The following PHKA2 variants were observed in gnomAD, a reference collection of about 807,000 sequenced individuals.
The protein encoded by PHKA2 is phosphorylase b kinase regulatory subunit alpha, liver isoform.
A neutral mutation model predicts 102.0 loss-of-function variants in PHKA2; 31 were observed. The observed-to-expected ratio is 0.30, with a 90% CI of 0.23 to 0.41. The LOEUF (loss-of-function observed/expected upper bound fraction) is 0.41, where lower values mean the gene tolerates loss of function less well. Ranked by LOEUF, PHKA2 falls within the 10% of genes least tolerant of loss-of-function variation. The pLI is 1.00. For missense variants in PHKA2, 858 were observed against 1,023.1 expected (o/e 0.84, Z 2.20); for synonymous variants, 455 against 416.2 (o/e 1.09, Z -1.13).
chrX:18,970,324 T>C (rs1299335101), intron 1 of PHKA2, among the ~76,000 whole-genome samples: 4 of 112,707 alleles, frequency 3.5e-5, no homozygotes, highest in African/African-American at 1.3e-4. Context: ...AACATATGTA[T>C]TGCCCTACAT....
intron 19 of PHKA2, among the ~76,000 whole-genome samples, chrX:18,911,261 C>T (rs1048093563): frequency 9.1e-6 from 1 of 109,606 alleles, no homozygotes; most frequent in African/African-American, 3.3e-5. Context: ...GCAACCTCCA[C>T]CTCCCAGGTT....
At position 18,938,659 on chromosome X, in the gene PHKA2, T is replaced by G; in HGVS notation, c.1009A>C (p.Ile337Leu). 2 of 1,204,960 alleles carry G rather than the reference T, an allele frequency of 1.7e-6. No individual in the cohort carries two copies. Among genetic ancestry groups the G allele is most frequent in the Non-Finnish European group, 2.2e-6 (2 of 888,975 alleles). ...EWPVFWTYFI[I>L]DGVFSGDAVQ... The stretch of plus-strand genomic sequence containing the variant: ...GCATCACCACTGAAGACTCCATCTA[T>G]TATAAAATATGTCCAAAACACAGGC... The change falls in exon 10 of 33, where the codon ATA (isoleucine) becomes CTA (leucine). Residue 337 changes from isoleucine (I) to leucine (L), a missense_variant. By Grantham distance (5) the Ile-to-Leu change is conservative (BLOSUM62 2). Around this residue, in one of 2 missense-constraint regions of PHKA2, gnomAD observed 671 missense variants for 745.2 expected, o/e 0.90. Coordinates refer to ENST00000379942, the MANE Select transcript of PHKA2 (RefSeq NM_000292.3).
intron 1 of PHKA2, among the ~76,000 whole-genome samples, chrX:18,971,431 G>C (rs964092468): frequency 3.6e-5 from 4 of 111,982 alleles, no homozygotes; most frequent in African/African-American, 1.3e-4. Flanking sequence ...ATGATGAAGG[G>C]AATCACCTTG....
intron 4 of PHKA2, among the ~76,000 whole-genome samples, chrX:18,949,974 G>A (rs1220114538): frequency 8.9e-6 from 1 of 112,439 alleles, no homozygotes; most frequent in African/African-American, 3.2e-5. Flanking sequence ...CAGTTGACTG[G>A]ACTGGTAGGT....
chrX:18,939,925 G>A, intron 9 of PHKA2, 70 bp downstream of exon 9: 5 of 726,342 alleles, frequency 6.9e-6, no homozygotes. Flanking sequence ...TCAGCAGAGG[G>A]AGAACAACAC....
Position 18,977,763 on chromosome X carries a change from T to G in PHKA2, c.78+6092A>C, listed in dbSNP as rs947418467. ...CGTATTTTTGGTTAGTTTTGTCCAG[T>G]ATATCTTGTCCCACTATATTACTTT... On this transcript the variant is annotated intron_variant, in intron 1 of 32. Coordinates refer to ENST00000379942, the MANE Select transcript of PHKA2 (RefSeq NM_000292.3). Among the ~76,000 whole-genome samples the G allele has an allele frequency of 8.0e-5, 9 of 112,319 alleles. No individual in the cohort carries two copies. In the East Asian group the frequency reaches 2.2e-3, roughly 28 times the overall value.
At chrX:18,958,252 C>T (rs891000252) in intron 1 of PHKA2, among the ~76,000 whole-genome samples, 3 of 111,943 alleles carry the variant, frequency 2.7e-5, no homozygotes, top group South Asian at 7.3e-4. Flanking sequence ...TATGAGGTCC[C>T]TCCATGTCAT....
chrX:18,948,657 A>G, intron 5 of PHKA2, 87 bp downstream of exon 5: 1 of 638,337 alleles, frequency 1.6e-6, no homozygotes, highest in Non-Finnish European at 2.6e-6. Flanking sequence ...GGTGAGCCCC[A>G]AACAGCCTGG....
intron 14 of PHKA2, among the ~76,000 whole-genome samples, chrX:18,926,038 T>G (rs2048204859): frequency 8.9e-6 from 1 of 112,483 alleles, no homozygotes; most frequent in African/African-American, 3.2e-5. Context: ...ATAGAACATT[T>G]ACTTTCGATT....
At chrX:18,980,010 C>A (rs1478625390) in intron 1 of PHKA2, among the ~76,000 whole-genome samples, 1 of 106,613 alleles carries the variant, frequency 9.4e-6, no homozygotes, top group African/African-American at 3.8e-5. Flanking sequence ...GTAACTTTAG[C>A]CCCAACCTTG....
chrX:18,895,011 C>T (rs2047510293), intron 31 of PHKA2, 127 bp downstream of exon 31: 8 of 671,339 alleles, frequency 1.2e-5, no homozygotes, highest in Non-Finnish European at 2.0e-5. Flanking sequence ...GGCTAGACAG[C>T]TCAGAGCTAC....
chrX:18,897,280 T>G lies in PHKA2; in HGVS notation c.3165A>C (p.Gly1055=), dbSNP rs1202428793. The part of the protein sequence containing the change: ...PTGTSSSDSG[G]HHIGWGERQG... The stretch of plus-strand genomic sequence containing the variant: ...GCCGCTCACCCCAGCCGATGTGATG[T>G]CCTCCCGAGTCTGAGGATGACGTGC... The change falls in exon 30 of 33, where the codon GGA becomes GGC. Residue 1055 remains glycine (G), a synonymous_variant. Coordinates refer to ENST00000379942, the MANE Select transcript of PHKA2 (RefSeq NM_000292.3). 8.3e-7 allele frequency: 1 copy of G among 1,209,039 alleles called. No individual in the cohort carries two copies. The highest frequency in any genetic ancestry group is 1.1e-6 in the Non-Finnish European group (1 of 894,958).
At chrX:18,955,404 T>A (rs1343341336) in intron 1 of PHKA2, among the ~76,000 whole-genome samples, 1 of 101,914 alleles carries the variant, frequency 9.8e-6, no homozygotes. Flanking sequence ...GTGATGAAAA[T>A]GCTCGAAAAT....
chrX:18,954,411 T>G lies in PHKA2; in HGVS notation c.80A>C (p.Asn27Thr), dbSNP rs1204671601. ...GGCTGACAGCAGCCCCGTGACGGGA[T>G]TCTATTAGAGAAGAGACACAAAATG... ...LVQQTILCYQ[N>T]PVTGLLSASH... The change falls in exon 2 of 33, where the codon AAT becomes ACT. Residue 27 changes from asparagine to threonine, a missense_variant and splice_region_variant. Asn to Thr is a moderately conservative substitution (Grantham distance 65). Coordinates refer to ENST00000379942, the MANE Select transcript of PHKA2 (RefSeq NM_000292.3). 1 of 1,208,702 alleles carries G rather than the reference T, an allele frequency of 8.3e-7. No individual in the cohort carries two copies. The highest frequency in any genetic ancestry group is 1.1e-6 in the Non-Finnish European group (1 of 894,759).
chrX:18,943,633 G>A (rs1286809289), intron 7 of PHKA2, 77 bp downstream of exon 7: 16 of 801,296 alleles, frequency 2.0e-5, no homozygotes, highest in South Asian at 1.2e-4. Context: ...CAGCAAGGTG[G>A]GGAATCTGCA....
intron 1 of PHKA2, among the ~76,000 whole-genome samples, chrX:18,960,908 G>A (rs1394957217): frequency 1.8e-5 from 2 of 112,649 alleles, no homozygotes; most frequent in East Asian, 2.8e-4. Context: ...AGATCCACAT[G>A]AATAGGGCAA....
At chrX:18,899,845 T>C (rs188294353) in intron 28 of PHKA2, among the ~76,000 whole-genome samples, 3 of 112,012 alleles carry the variant, frequency 2.7e-5, no homozygotes, top group Admixed American at 1.9e-4. Context: ...ACAAATAATA[T>C]GTTCCTTGAC....
intron 1 of PHKA2, among the ~76,000 whole-genome samples, chrX:18,956,027 T>C (rs992666052): frequency 8.9e-6 from 1 of 112,177 alleles, no homozygotes; most frequent in African/African-American, 3.2e-5. Context: ...AAATAACGTA[T>C]AACATAAGCA....
intron 27 of PHKA2, 50 bp from the exon 28 acceptor site, chrX:18,900,749 C>T (rs756884434): frequency 2.0e-5 from 22 of 1,101,758 alleles, no homozygotes; most frequent in Admixed American, 6.6e-5. Flanking sequence ...GAGCCAAGAA[C>T]GCGTGCTTCT....
Sources: allele counts gnomAD v4.1 joint callset (sites outside exome capture counted in the v4.1 genomes callset), GRCh38; gene constraint gnomAD v4.1.1; regional missense constraint gnomAD v4.1.1; transcripts MANE v1.5; gene names NCBI Gene and HGNC (gene_info 2026-07-23, HGNC 2026-07-21).